COL5A2: variants seen among roughly 807,000 people sequenced by gnomAD.
COL5A2 encodes the protein collagen alpha-2(V) chain.
COL5A2 carries 23 observed loss-of-function variants against 208.2 expected under a neutral mutation model. That is an observed-to-expected ratio of 0.11 (90% confidence interval 0.08 to 0.16). The LOEUF is 0.16. Ranked by LOEUF, COL5A2 falls within the 10% of genes least tolerant of loss-of-function variation. The probability of loss-of-function intolerance (pLI) is 1.00; values close to 1 mark genes in which losing one functional copy is unlikely to be tolerated. For synonymous variants in COL5A2, 625 were observed against 628.5 expected (o/e 0.99, Z 0.08); for missense variants, 1,590 against 1,956.4 (o/e 0.81, Z 3.53).
intron 1 of COL5A2, among the ~76,000 whole-genome samples, chr2:189,176,681 C>G (rs1395841731): frequency 1.3e-5 from 2 of 151,772 alleles, no homozygotes; most frequent in Non-Finnish European, 2.9e-5. Flanking sequence ...GACCACCACC[C>G]CAATGCACAC....
At chr2:189,228,256 G>GA (rs1011865501), upstream of COL5A2, among the ~76,000 whole-genome samples, 4 of 149,018 alleles carry the variant, frequency 2.7e-5, no homozygotes, top group Non-Finnish European at 4.5e-5. Flanking sequence ...AGTAGAAATA[G>GA]AAAAAAAAGC....
the COL5A2 span, among the ~76,000 whole-genome samples, chr2:189,271,164 T>C: frequency 3.9e-5 from 6 of 151,950 alleles, no homozygotes; most frequent in Non-Finnish European, 7.4e-5. Flanking sequence ...CTACTTTAAA[T>C]TTCATATGGA....
chr2:189,277,875 G>A, the COL5A2 span, among the ~76,000 whole-genome samples: 1 of 152,062 alleles, frequency 6.6e-6, no homozygotes, highest in Non-Finnish European at 1.5e-5. Context: ...TGGAGTCAGG[G>A]ACTTTCTTTT....
At chr2:189,379,713 ATAGT>A in the COL5A2 span, among the ~76,000 whole-genome samples, 13 of 152,200 alleles carry the variant, frequency 8.5e-5, no homozygotes, top group African/African-American at 2.9e-4. Flanking sequence ...TCAACTTTTC[ATAGT>A]TAGTAACAAA....
intron 1 of COL5A2, among the ~76,000 whole-genome samples, chr2:189,145,969 CAGT>C (rs1688031371): frequency 6.6e-6 from 1 of 151,964 alleles, no homozygotes. Flanking sequence ...AAGAGCAAGA[CAGT>C]AGAATTACAT....
intron 1 of COL5A2, among the ~76,000 whole-genome samples, chr2:189,192,206 A>T (rs962077384): frequency 2.0e-5 from 3 of 152,240 alleles, no homozygotes; most frequent in Admixed American, 2.0e-4. Context: ...TTTAAAGACA[A>T]CATATAGTTC....
the COL5A2 span, among the ~76,000 whole-genome samples, chr2:189,356,324 G>A: frequency 6.6e-6 from 1 of 151,606 alleles, no homozygotes; most frequent in Non-Finnish European, 1.5e-5. Flanking sequence ...GGCCAGTCTT[G>A]CTAGGTTGGG....
At chr2:189,072,685 T>C (rs1686301357) in intron 17 of COL5A2, among the ~76,000 whole-genome samples, 1 of 148,558 alleles carries the variant, frequency 6.7e-6, no homozygotes, top group Non-Finnish European at 1.5e-5. Context: ...GGCAGGAGAA[T>C]TGCTGGAACC....
the COL5A2 span, among the ~76,000 whole-genome samples, chr2:189,403,969 G>A: frequency 6.6e-6 from 1 of 152,128 alleles, no homozygotes; most frequent in African/African-American, 2.4e-5. Flanking sequence ...CTGACCTCGT[G>A]ATCCACCCAC....
At chr2:189,072,223 A>C (rs1686291254) in intron 17 of COL5A2, 130 bp from the exon 18 acceptor site, 1 of 672,868 alleles carries the variant, frequency 1.5e-6, no homozygotes. Flanking sequence ...TAAAATTACA[A>C]AGATAATAGG....
chr2:189,411,705 C>T, the COL5A2 span, among the ~76,000 whole-genome samples: 1 of 152,072 alleles, frequency 6.6e-6, no homozygotes, highest in Non-Finnish European at 1.5e-5. Flanking sequence ...TGAGTTATTA[C>T]TCAAATGATA....
the COL5A2 span, among the ~76,000 whole-genome samples, chr2:189,282,734 C>T: frequency 5.6e-4 from 85 of 152,144 alleles, no homozygotes; most frequent in African/African-American, 2.0e-3. Flanking sequence ...TACATTGATG[C>T]CTGGGTTCAT....
chr2:189,116,281 T>G (rs189070206), intron 1 of COL5A2, among the ~76,000 whole-genome samples: 30 of 152,320 alleles, frequency 2.0e-4, no homozygotes, highest in African/African-American at 7.0e-4. Flanking sequence ...CCTTTAGTAA[T>G]GCACAGCAGA....
At chr2:189,424,045 C>G in the COL5A2 span, among the ~76,000 whole-genome samples, 1 of 152,182 alleles carries the variant, frequency 6.6e-6, no homozygotes, top group African/African-American at 2.4e-5. Context: ...GATGATTCAA[C>G]ATATGCAAAT....
intron 1 of COL5A2, among the ~76,000 whole-genome samples, chr2:189,220,205 G>A (rs1441020112): frequency 6.6e-6 from 1 of 152,154 alleles, no homozygotes; most frequent in East Asian, 1.9e-4. Context: ...GATCCAGGTA[G>A]TATATTGCTG....
intron 30 of COL5A2, 45 bp from the exon 31 acceptor site, chr2:189,060,828 T>G: frequency 7.1e-7 from 1 of 1,416,394 alleles, no homozygotes; most frequent in Non-Finnish European, 1.0e-6. Context: ...TGTGTAAGTT[T>G]AACAGGCTAC....
At chr2:189,199,061 T>C (rs113056309) in intron 1 of COL5A2, among the ~76,000 whole-genome samples, 1 of 152,046 alleles carries the variant, frequency 6.6e-6, no homozygotes, top group Non-Finnish European at 1.5e-5. Flanking sequence ...TGTATACTAT[T>C]ATTTATCCTT....
intron 38 of COL5A2, 36 bp downstream of exon 38, chr2:189,053,388 G>A: frequency 1.3e-6 from 2 of 1,544,832 alleles, no homozygotes; most frequent in Non-Finnish European, 1.8e-6. Flanking sequence ...CAAGATAAGT[G>A]TTTATTTGTA....
intron 2 of COL5A2, among the ~76,000 whole-genome samples, chr2:189,105,960 T>G (rs1401981109): frequency 6.6e-6 from 1 of 151,512 alleles, no homozygotes; most frequent in African/African-American, 2.4e-5. Flanking sequence ...AATCTGACCA[T>G]GTATATTTGG....
Sources: gnomAD v4.1 joint callset for allele counts (sites outside exome capture counted in the v4.1 genomes callset) on GRCh38, gnomAD v4.1.1 for gene constraint, MANE v1.5 for transcripts, NCBI Gene and HGNC (gene_info 2026-07-23, HGNC 2026-07-21) for gene names.